Variants in PDE4B observed in about 807,000 individuals in gnomAD.
PDE4B encodes the protein 3',5'-cyclic-AMP phosphodiesterase 4B.
Under a neutral mutation model 82.2 loss-of-function variants are expected in PDE4B, and 20 were observed. That is an observed-to-expected ratio of 0.24 (90% CI 0.17 to 0.35). The LOEUF (loss-of-function observed/expected upper bound fraction) is 0.35, where lower values mean the gene tolerates loss of function less well. PDE4B is among the 10% of genes least tolerant of loss of function. The pLI is 1.00. For synonymous variants in PDE4B, 320 were observed against 318.9 expected (o/e 1.00, Z -0.04); for missense variants, 655 against 907.2 (o/e 0.72, Z 3.57).
chr1:66,187,211 G>A (rs1647264536), intron 3 of PDE4B, among the ~76,000 whole-genome samples: 1 of 151,926 alleles, frequency 6.6e-6, no homozygotes, highest in South Asian at 2.1e-4. Context: ...TAAGCTTTTT[G>A]ATGTGCTGCT....
At position 66,222,655 on chromosome 1, in the gene PDE4B, CCT is replaced by C. The variant is rs368230922; in HGVS notation, c.282-24800_282-24799del. Reference sequence around the variant, plus strand: ...GTATCATCTTGAGCAAATTATTCAACCTCTCTGATCATTCGTTTCCTCATTGT... The same window carrying C: ...GTATCATCTTGAGCAAATTATTCAACCTCTGATCATTCGTTTCCTCATTGT... On this transcript the variant is annotated intron_variant, in intron 3 of 16. Coordinates refer to ENST00000341517, the MANE Select transcript of PDE4B (RefSeq NM_002600.4). 1.0e-3 allele frequency among the ~76,000 whole-genome samples: 156 copies of C among 152,280 alleles called. 3 individuals are homozygous for C. Among genetic ancestry groups the C allele is most frequent in the African/African-American group, 3.6e-3 (149 of 41,548 alleles).
intron 1 of PDE4B, among the ~76,000 whole-genome samples, chr1:65,867,500 C>T (rs982635989): frequency 9.9e-5 from 15 of 152,184 alleles, no homozygotes; most frequent in Non-Finnish European, 2.1e-4. Flanking sequence ...CATAGCTTTA[C>T]AATACGTGTG....
chr1:66,253,261 C>A (rs1653930900), intron 4 of PDE4B, among the ~76,000 whole-genome samples: 1 of 152,126 alleles, frequency 6.6e-6, no homozygotes, highest in South Asian at 2.1e-4. Context: ...TATATCTCTC[C>A]ATATGACAGA....
At chr1:66,203,641 G>A (rs769671709) in intron 3 of PDE4B, among the ~76,000 whole-genome samples, 369 of 151,946 alleles carry the variant, frequency 2.4e-3, no homozygotes, top group Non-Finnish European at 4.4e-3. Flanking sequence ...TGTTCGCATC[G>A]GCTCCTGAGG....
intron 3 of PDE4B, among the ~76,000 whole-genome samples, chr1:66,144,197 GT>G (rs1570334909): frequency 1.3e-5 from 2 of 152,196 alleles, no homozygotes; most frequent in East Asian, 3.9e-4. Context: ...ACGGTTCCAG[GT>G]TTTTTTCCAT....
intron 3 of PDE4B, among the ~76,000 whole-genome samples, chr1:65,972,838 T>A (rs1270085611): frequency 6.6e-6 from 1 of 152,224 alleles, no homozygotes; most frequent in African/African-American, 2.4e-5. Flanking sequence ...AAATATACTC[T>A]ACTGTTTTTT....
chr1:66,132,868 C>G (rs1378973462), intron 3 of PDE4B, among the ~76,000 whole-genome samples: 1 of 152,134 alleles, frequency 6.6e-6, no homozygotes, highest in Non-Finnish European at 1.5e-5. Context: ...GAAAAAGACC[C>G]CAGAGAAGAC....
chr1:66,061,556 G>A (rs1388536232), intron 3 of PDE4B, among the ~76,000 whole-genome samples: 1 of 151,988 alleles, frequency 6.6e-6, no homozygotes, highest in Admixed American at 6.6e-5. Flanking sequence ...TTTGTTTCAA[G>A]ACTTTACTGA....
At chr1:66,362,838 T>C (rs773188674) in intron 10 of PDE4B, among the ~76,000 whole-genome samples, 3 of 152,208 alleles carry the variant, frequency 2.0e-5, no homozygotes, top group African/African-American at 4.8e-5. Flanking sequence ...GACAGGGACA[T>C]TGAACTAGAG....
chr1:66,082,711 G>C (rs1386397686), intron 3 of PDE4B, among the ~76,000 whole-genome samples: 1 of 151,442 alleles, frequency 6.6e-6, no homozygotes, highest in East Asian at 1.9e-4. Flanking sequence ...AATATTTGTG[G>C]TAGTCATTAA....
intron 3 of PDE4B, among the ~76,000 whole-genome samples, chr1:66,109,527 A>C (rs1175784405): frequency 1.3e-5 from 2 of 151,908 alleles, no homozygotes; most frequent in African/African-American, 4.8e-5. Flanking sequence ...GATATGAATT[A>C]ACTGCATAGT....
intron 3 of PDE4B, among the ~76,000 whole-genome samples, chr1:65,958,148 C>T (rs1649350914): frequency 6.6e-6 from 1 of 151,816 alleles, no homozygotes; most frequent in Non-Finnish European, 1.5e-5. Context: ...AGGTTATGGG[C>T]GCTTTTTGCG....
chr1:66,281,122 T>G (rs958776296), intron 7 of PDE4B, among the ~76,000 whole-genome samples: 3 of 152,358 alleles, frequency 2.0e-5, no homozygotes, highest in Non-Finnish European at 4.4e-5. Flanking sequence ...AGCAAATTAC[T>G]AAACTAAACC....
intron 3 of PDE4B, among the ~76,000 whole-genome samples, chr1:65,987,380 A>G (rs1345281325): frequency 1.3e-5 from 2 of 152,220 alleles, no homozygotes; most frequent in Non-Finnish European, 2.9e-5. Flanking sequence ...ATCATGCTAG[A>G]TAACTTCAGA....
intron 7 of PDE4B, among the ~76,000 whole-genome samples, chr1:66,294,432 C>T (rs1023367445): frequency 6.6e-6 from 1 of 152,050 alleles, no homozygotes; most frequent in African/African-American, 2.4e-5. Context: ...CTGATATTGG[C>T]CATCAAATCT....
At chr1:66,337,709 G>T (rs1369547030) in intron 8 of PDE4B, among the ~76,000 whole-genome samples, 2 of 152,168 alleles carry the variant, frequency 1.3e-5, no homozygotes, top group Admixed American at 1.3e-4. Flanking sequence ...TGTATATTTA[G>T]ACTTACAGTG....
chr1:65,952,095 A>C (rs1190208795), intron 3 of PDE4B, among the ~76,000 whole-genome samples: 1 of 152,060 alleles, frequency 6.6e-6, no homozygotes, highest in African/African-American at 2.4e-5. Flanking sequence ...GAAAATGATT[A>C]GCTCTACCCC....
intron 1 of PDE4B, among the ~76,000 whole-genome samples, chr1:65,828,109 A>G (rs1454622913): frequency 6.6e-6 from 1 of 152,156 alleles, no homozygotes; most frequent in Non-Finnish European, 1.5e-5. Context: ...TGGCTATCAA[A>G]TCGAATCTAG....
chr1:66,013,443 C>T (rs919163051), intron 3 of PDE4B, among the ~76,000 whole-genome samples: 6 of 152,068 alleles, frequency 3.9e-5, no homozygotes, highest in Non-Finnish European at 1.5e-5. Flanking sequence ...ATCTTCATTT[C>T]ACTAATTGTT....
Sources: allele counts gnomAD v4.1 joint callset (sites outside exome capture counted in the v4.1 genomes callset), GRCh38; gene constraint gnomAD v4.1.1; transcripts MANE v1.5; gene names NCBI Gene and HGNC (gene_info 2026-07-23, HGNC 2026-07-21).